RAD17: variants seen among roughly 807,000 people sequenced by gnomAD.
RAD17 encodes RAD17 checkpoint clamp loader component, also known as cell cycle checkpoint protein RAD17.
Under a neutral mutation model 81.5 loss-of-function variants are expected in RAD17, and 31 were observed. That is an observed-to-expected ratio of 0.38 (90% CI 0.29 to 0.51). The LOEUF (loss-of-function observed/expected upper bound fraction) is 0.51, where lower values mean the gene tolerates loss of function less well. Among genes scored for constraint, RAD17 ranks in the 20% least tolerant of loss-of-function variants. RAD17 has a pLI of 0.88. For synonymous variants in RAD17, 261 were observed against 266.2 expected (o/e 0.98, Z 0.19); for missense variants, 681 against 781.2 (o/e 0.87, Z 1.53).
intron 13 of RAD17, chr5:69,392,645 G>T: frequency 1.3e-5 from 3 of 228,600 alleles, no homozygotes; most frequent in Non-Finnish European, 2.8e-5. Context: ...CACTTAGGTG[G>T]CAGTGAGGAC....
At chr5:69,393,627 GT>G in intron 15 of RAD17, 127 bp downstream of exon 15, 1 of 875,532 alleles carries the variant, frequency 1.1e-6, no homozygotes, top group Non-Finnish European at 1.7e-6. Flanking sequence ...CTATGCTAAA[GT>G]TAATGTAACC....
intron 15 of RAD17, among the ~76,000 whole-genome samples, chr5:69,396,040 G>A (rs1209791920): frequency 6.6e-6 from 1 of 152,134 alleles, no homozygotes; most frequent in Non-Finnish European, 1.5e-5. Context: ...TAACTAATTA[G>A]TTACATTAAC....
intron 12 of RAD17, 44 bp from the exon 13 acceptor site, chr5:69,391,787 C>A: frequency 1.5e-6 from 2 of 1,299,484 alleles, no homozygotes. Context: ...TTTTAATTTT[C>A]ATATTTTAAT....
chr5:69,388,307 C>T (rs1334431807), intron 11 of RAD17, among the ~76,000 whole-genome samples: 2 of 151,940 alleles, frequency 1.3e-5, no homozygotes, highest in East Asian at 1.9e-4. Flanking sequence ...ATGTATAACC[C>T]CAGTAAAGGA....
intron 16 of RAD17, among the ~76,000 whole-genome samples, chr5:69,399,316 C>T (rs191060918): frequency 7.0e-4 from 107 of 152,244 alleles, no homozygotes; most frequent in African/African-American, 2.2e-3. Flanking sequence ...ACAATCACCT[C>T]GCCATGTAGC....
intron 18 of RAD17, among the ~76,000 whole-genome samples, chr5:69,413,342 G>A (rs1297424305): frequency 6.6e-6 from 1 of 152,188 alleles, no homozygotes; most frequent in Non-Finnish European, 1.5e-5. Context: ...GGGAGGCTGA[G>A]GCAGGAGAAT....
intron 15 of RAD17, among the ~76,000 whole-genome samples, chr5:69,394,241 G>A (rs1261841261): frequency 2.0e-5 from 3 of 148,894 alleles, no homozygotes; most frequent in Non-Finnish European, 4.5e-5. Context: ...TTTTTTCTTT[G>A]TTTTAGAGAC....
rs534263312 is a variant in RAD17 at position 69,398,306 on chromosome 5, A to G, written c.1573-1743A>G. On this transcript the variant is annotated intron_variant, in intron 16 of 18. Transcript: ENST00000354868. ...AGAGCTTATTTGTCAATTTAAATTA[A>G]TCAAAGAAAGGAGAAGAAATCTTGG... Among the ~76,000 whole-genome samples, 55 of 152,328 alleles carry G rather than the reference A, an allele frequency of 3.6e-4. No individual in the cohort carries two copies. In the South Asian group the frequency reaches 0.011, roughly 30 times the overall value.
chr5:69,385,266 C>CTTT (rs35876455), intron 8 of RAD17, among the ~76,000 whole-genome samples: 64 of 102,256 alleles, frequency 6.3e-4, no homozygotes, highest in Non-Finnish European at 9.0e-4. Context: ...GGCCTAAAAT[C>CTTT]TTTTTTTTTT....
At position 69,414,268 on chromosome 5, in the gene RAD17, A is replaced by C. The variant is rs1435405043; in HGVS notation, c.1989A>C (p.Glu663Asp). 1.2e-6 allele frequency: 2 copies of C among 1,614,028 alleles called. No individual in the cohort carries two copies. Among genetic ancestry groups the C allele is most frequent in the African/African-American group, 2.7e-5 (2 of 74,938 alleles). Reference protein sequence around the residue: ...QGDMEENIIIEDYESDGT With the variant: ...QGDMEENIIIDDYESDGT Reference sequence around the variant, plus strand: ...ACATGGAAGAAAACATAATAATAGAAGACTACGAGAGTGATGGGACATAGA... The same window carrying C: ...ACATGGAAGAAAACATAATAATAGACGACTACGAGAGTGATGGGACATAGA... The change falls in exon 19 of 19, where the codon GAA (glutamate) becomes GAC (aspartate). Residue 663 changes from glutamate (E) to aspartate (D), a missense_variant. Transcript: ENST00000354868.
At chr5:69,412,877 T>A (rs895585667) in intron 18 of RAD17, among the ~76,000 whole-genome samples, 1 of 151,650 alleles carries the variant, frequency 6.6e-6, no homozygotes, top group Non-Finnish European at 1.5e-5. Flanking sequence ...TAATCCCTGC[T>A]ACTCCAGAGG....
At chr5:69,377,204 G>A (rs1040003646) in intron 6 of RAD17, among the ~76,000 whole-genome samples, 2 of 151,798 alleles carry the variant, frequency 1.3e-5, no homozygotes, top group Middle Eastern at 3.4e-3. Context: ...TCTTGTCTCC[G>A]AATACAGATT....
intron 4 of RAD17, among the ~76,000 whole-genome samples, chr5:69,373,560 T>C (rs1303293763): frequency 6.6e-6 from 1 of 151,934 alleles, no homozygotes; most frequent in Non-Finnish European, 1.5e-5. Context: ...AAAAAATTAG[T>C]TGGGCATGGT....
intron 15 of RAD17, 53 bp downstream of exon 15, chr5:69,393,553 A>G: frequency 6.7e-7 from 1 of 1,495,098 alleles, no homozygotes; most frequent in South Asian, 1.3e-5. Context: ...CTTAGAATTA[A>G]GAAAAGAAAG....
Position 69,388,387 on chromosome 5 carries a change from ATTTTGAGGGTTT to A in RAD17, c.895-641_895-630del, listed in dbSNP as rs1223473194. On this transcript the variant is annotated intron_variant, in intron 11 of 18. Transcript: ENST00000354868. ...ATTTAATTTTATCACAGTCTGTTGCATTTTGAGGGTTTTTTTGTGTGTACACATATATGTTGT... is the reference window on the plus strand; with the variant it reads ...ATTTAATTTTATCACAGTCTGTTGCATTTTGTGTGTACACATATATGTTGT... 7.9e-5 allele frequency among the ~76,000 whole-genome samples: 12 copies of A among 152,262 alleles called. No individual in the cohort carries two copies. In the East Asian group the frequency reaches 2.3e-3, roughly 29 times the overall value.
chr5:69,381,338 G>A (rs1024829783), intron 6 of RAD17, among the ~76,000 whole-genome samples: 11 of 151,962 alleles, frequency 7.2e-5, no homozygotes, highest in Admixed American at 5.9e-4. Context: ...AAAATTAGCC[G>A]GGCGTGGTGG....
intron 18 of RAD17, 131 bp from the exon 19 acceptor site, chr5:69,413,900 T>C (rs1306891581): frequency 8.9e-7 from 1 of 1,126,144 alleles, no homozygotes; most frequent in Non-Finnish European, 1.3e-6. Flanking sequence ...TTTGTTTTTA[T>C]AGTTAAAGGG....
At chr5:69,407,363 G>A (rs1311612269) in intron 17 of RAD17, among the ~76,000 whole-genome samples, 5 of 151,562 alleles carry the variant, frequency 3.3e-5, no homozygotes, top group Non-Finnish European at 2.9e-5. Context: ...AGATGTTTTG[G>A]TTTTTCTTAT....
rs1261673196 is a variant in RAD17 at position 69,399,969 on chromosome 5, A to G, written c.1573-80A>G. On this transcript the variant is annotated intron_variant, in intron 16 of 18. Transcript: ENST00000354868. ...ATATAAACTTATTGTGTAAGTTTAT[A>G]TAATAAACTTAGTTTGTCTAGGAAT... 10 of 920,968 alleles carry G rather than the reference A, an allele frequency of 1.1e-5. No individual in the cohort carries two copies. In the African/African-American group the frequency reaches 1.2e-4, roughly 11 times the overall value. 57.0% of individuals were successfully genotyped at this position (920,968 alleles called of 1,614,324 possible).
Sources: gnomAD v4.1 joint callset for allele counts (sites outside exome capture counted in the v4.1 genomes callset) on GRCh38, gnomAD v4.1.1 for gene constraint, MANE v1.5 for transcripts, NCBI Gene and HGNC (gene_info 2026-07-23, HGNC 2026-07-21) for gene names.